Variants in RAB31 observed in about 807,000 individuals in gnomAD.
RAB31 encodes RAB31, member RAS oncogene family, also known as ras-related protein Rab-31.
A neutral mutation model predicts 25.6 loss-of-function variants in RAB31; 21 were observed. That is an observed-to-expected ratio of 0.82 (90% CI 0.58 to 1.18). The LOEUF (loss-of-function observed/expected upper bound fraction) is 1.18, where lower values mean the gene tolerates loss of function less well. Among genes scored for constraint, RAB31 ranks in the 50% most tolerant of loss-of-function variants. The pLI is 0.00. For missense variants in RAB31, 196 were observed against 250.1 expected (o/e 0.78, Z 1.46); for synonymous variants, 87 against 84.0 (o/e 1.04, Z -0.20).
chr18:9,814,138 C>T (rs1568186332), intron 4 of RAB31, 47 bp downstream of exon 4: 1 of 1,402,092 alleles, frequency 7.1e-7, no homozygotes, highest in Non-Finnish European at 9.9e-7. Flanking sequence ...TGGTGGTTCT[C>T]TCACTTAGAG....
chr18:9,857,547 CA>C (rs1245317158), intron 6 of RAB31, among the ~76,000 whole-genome samples: 2,614 of 135,176 alleles, frequency 0.019, 64 homozygotes, highest in African/African-American at 0.061. Flanking sequence ...ATACCACAAC[CA>C]AAAAAAAAAA....
intron 4 of RAB31, 74 bp downstream of exon 4, chr18:9,814,165 G>A (rs2068589452): frequency 3.4e-5 from 38 of 1,129,320 alleles, no homozygotes; most frequent in East Asian, 5.1e-5. Flanking sequence ...GAGCAGAGAC[G>A]TCACTGCTTG....
intron 1 of RAB31, among the ~76,000 whole-genome samples, chr18:9,740,623 G>C (rs2145471550): frequency 6.6e-6 from 1 of 152,168 alleles, no homozygotes; most frequent in East Asian, 1.9e-4. Flanking sequence ...TGAGGCAGGA[G>C]AATTGCTTGA....
At chr18:9,857,363 A>G (rs1218959017) in intron 6 of RAB31, among the ~76,000 whole-genome samples, 1 of 152,052 alleles carries the variant, frequency 6.6e-6, no homozygotes, top group Non-Finnish European at 1.5e-5. Context: ...CTATATTGTC[A>G]TTAGGTAACA....
chr18:9,783,772 T>C (rs2068417713), intron 2 of RAB31, among the ~76,000 whole-genome samples: 1 of 152,158 alleles, frequency 6.6e-6, no homozygotes, highest in Non-Finnish European at 1.5e-5. Flanking sequence ...GTCATGAACT[T>C]GAGAAAAATT....
chr18:9,777,052 T>A (rs989198071), intron 2 of RAB31, among the ~76,000 whole-genome samples: 2 of 152,066 alleles, frequency 1.3e-5, no homozygotes, highest in Non-Finnish European at 2.9e-5. Context: ...TTTAAAAAAA[T>A]ATATATCCAC....
intron 2 of RAB31, among the ~76,000 whole-genome samples, chr18:9,782,158 A>G (rs2068408333): frequency 6.6e-6 from 1 of 152,250 alleles, no homozygotes; most frequent in Admixed American, 6.5e-5. Context: ...TCATCAGTAT[A>G]AACGTTCACA....
chr18:9,784,709 C>T (rs2068423035), intron 2 of RAB31, among the ~76,000 whole-genome samples: 1 of 151,968 alleles, frequency 6.6e-6, no homozygotes, highest in Non-Finnish European at 1.5e-5. Context: ...CACACCACCA[C>T]ACCTGGCTAA....
chr18:9,743,033 C>T (rs1183236131), intron 1 of RAB31, among the ~76,000 whole-genome samples: 4 of 152,196 alleles, frequency 2.6e-5, no homozygotes, highest in Non-Finnish European at 1.5e-5. Flanking sequence ...ATGGTTTGGA[C>T]TTGTCCATTT....
chr18:9,832,896 C>A (rs964598795), intron 5 of RAB31, among the ~76,000 whole-genome samples: 1 of 152,208 alleles, frequency 6.6e-6, no homozygotes, highest in African/African-American at 2.4e-5. Flanking sequence ...CCCTGCGGGG[C>A]ACGAGGGCAC....
intron 1 of RAB31, among the ~76,000 whole-genome samples, chr18:9,763,462 T>C (rs1262351674): frequency 2.0e-5 from 3 of 151,980 alleles, no homozygotes; most frequent in Non-Finnish European, 4.4e-5. Flanking sequence ...AAACGAAACA[T>C]TTATAACTGA....
chr18:9,856,171 G>A (rs917483685), intron 6 of RAB31: 1 of 152,208 alleles, frequency 6.6e-6, no homozygotes, highest in African/African-American at 2.4e-5. Context: ...GCACTCCTAA[G>A]AAGCCATGTT....
intron 3 of RAB31, among the ~76,000 whole-genome samples, chr18:9,811,918 A>G (rs532309690): frequency 6.6e-6 from 1 of 152,376 alleles, no homozygotes; most frequent in South Asian, 2.1e-4. Context: ...TAATCTGTGC[A>G]CAAAATAACA....
intron 5 of RAB31, among the ~76,000 whole-genome samples, chr18:9,825,538 A>T (rs543400457): frequency 6.6e-6 from 1 of 152,234 alleles, no homozygotes; most frequent in Non-Finnish European, 1.5e-5. Context: ...AACCAGGTCC[A>T]GAGATTTTGA....
At chr18:9,822,175 A>AT (rs2143091212) in intron 5 of RAB31, among the ~76,000 whole-genome samples, 1 of 152,294 alleles carries the variant, frequency 6.6e-6, no homozygotes, top group Non-Finnish European at 1.5e-5. Context: ...TGCTCAATTG[A>AT]TTTTTTGACA....
chr18:9,813,443 A>G (rs1214542038), intron 3 of RAB31, among the ~76,000 whole-genome samples: 2 of 152,270 alleles, frequency 1.3e-5, no homozygotes, highest in Admixed American at 6.5e-5. Flanking sequence ...AAAATTCACA[A>G]GATGGTAACA....
intron 1 of RAB31, among the ~76,000 whole-genome samples, chr18:9,742,371 T>C (rs2068184206): frequency 6.6e-6 from 1 of 152,120 alleles, no homozygotes; most frequent in African/African-American, 2.4e-5. Flanking sequence ...TCTGGGCGGA[T>C]GGTCCGGAAG....
intron 3 of RAB31, among the ~76,000 whole-genome samples, chr18:9,805,150 G>T (rs1452535650): frequency 1.3e-5 from 2 of 152,028 alleles, no homozygotes; most frequent in Non-Finnish European, 2.9e-5. Context: ...CAGCTACTCA[G>T]GAGACCGAGA....
At chr18:9,779,446 T>A (rs576960792) in intron 2 of RAB31, among the ~76,000 whole-genome samples, 1 of 152,276 alleles carries the variant, frequency 6.6e-6, no homozygotes, top group South Asian at 2.1e-4. Flanking sequence ...GTATCACACT[T>A]TACCTAACAA....
Sources: gnomAD v4.1 joint callset for allele counts (sites outside exome capture counted in the v4.1 genomes callset) on GRCh38, gnomAD v4.1.1 for gene constraint, MANE v1.5 for transcripts, NCBI Gene and HGNC (gene_info 2026-07-23, HGNC 2026-07-21) for gene names.